The following DNAH17 variants were observed in gnomAD, a reference collection of about 807,000 sequenced individuals.
DNAH17 encodes the protein dynein axonemal heavy chain 17.
Under a neutral mutation model 485.6 loss-of-function variants are expected in DNAH17, and 376 were observed. That is an observed-to-expected ratio of 0.77 (90% CI 0.71 to 0.84). The LOEUF (loss-of-function observed/expected upper bound fraction) is 0.84. Among genes scored for constraint, DNAH17 ranks in the 40% least tolerant of loss-of-function variants. The pLI is 0.00. For missense variants in DNAH17, 6,370 were observed against 5,839.3 expected, an observed-to-expected ratio of 1.09 and a Z score of -2.96; for synonymous variants, 3,031 against 2,405.9, an observed-to-expected ratio of 1.26 and a Z score of -7.60.
At chr17:78,503,436 C>T (rs1235152453) in intron 31 of DNAH17, among the ~76,000 whole-genome samples, 7 of 151,346 alleles carry the variant, frequency 4.6e-5, no homozygotes, top group South Asian at 2.1e-4. Context: ...CCGCCCACCT[C>T]GGCCTCCTAA....
chr17:78,532,862 CCTG>C (rs761726029), intron 19 of DNAH17, 126 bp from the exon 20 acceptor site: 92 of 1,163,794 alleles, frequency 7.9e-5, no homozygotes, highest in Non-Finnish European at 1.0e-4. Flanking sequence ...CTCATGATGA[CCTG>C]CTCTTTTTCC....
rs867062708 is a variant in DNAH17 at position 78,526,911 on chromosome 17, C to G, written c.3593G>C (p.Ser1198Thr). The G allele has an allele frequency of 6.3e-7, 1 of 1,581,820 alleles. No individual in the cohort carries two copies. The highest frequency in any genetic ancestry group is 1.3e-5 in the African/African-American group (1 of 74,286). The change falls in exon 23 of 81, where the codon AGC becomes ACC. Residue 1198 changes from serine to threonine, a missense_variant. Coordinates refer to ENST00000389840, the MANE Select transcript of DNAH17 (RefSeq NM_173628.4). ...TTGCTGGCATTTCCGCCGCAGGATG[C>G]TGACCTCGTTGGCCTGGAGTGGTGC... ...TVAPLQANEVSILRRKCQQFE... is the reference protein window; with the variant it reads ...TVAPLQANEVTILRRKCQQFE...
chr17:78,435,267 A>G (rs1488410642), intron 74 of DNAH17, among the ~76,000 whole-genome samples: 2 of 152,114 alleles, frequency 1.3e-5, no homozygotes, highest in East Asian at 1.9e-4. Context: ...GTCACCGTCC[A>G]TCCATCCTCC....
intron 63 of DNAH17, among the ~76,000 whole-genome samples, chr17:78,455,378 T>C (rs990749958): frequency 1.4e-4 from 22 of 151,872 alleles, no homozygotes; most frequent in African/African-American, 5.3e-4. Flanking sequence ...CAGGTTGGAA[T>C]GCAGTAGTGT....
chr17:78,472,461 T>G (rs2088806317), intron 54 of DNAH17, among the ~76,000 whole-genome samples: 1 of 152,104 alleles, frequency 6.6e-6, no homozygotes, highest in South Asian at 2.1e-4. Flanking sequence ...TCCCTCTCAT[T>G]TGCAGGAAGC....
chr17:78,562,715 TAAATG>T (rs905235053), intron 11 of DNAH17, among the ~76,000 whole-genome samples: 1 of 152,226 alleles, frequency 6.6e-6, no homozygotes, highest in African/African-American at 2.4e-5. Flanking sequence ...CTGATACAGA[TAAATG>T]AAGAAATATT....
rs1323586759 is a variant in DNAH17, at chr17:78,475,375, C to T, written c.8414G>A (p.Ser2805Asn). Residue 2805 changes from serine to asparagine, a missense_variant, in exon 54 of 81, where the codon AGT (serine) becomes AAT (asparagine). Coordinates refer to ENST00000389840, the MANE Select transcript of DNAH17 (RefSeq NM_173628.4). ...CAGGCGGGAGAGGCTCTGTTTGCCA[C>T]TGCCGCCCACCCCCACCAGCAGGGC... ...GNALLVGVGG[S>N]GKQSLSRLAA... 1 of 1,613,910 alleles carries T rather than the reference C, an allele frequency of 6.2e-7. No homozygotes were observed. The highest frequency in any genetic ancestry group is 1.3e-5 in the African/African-American group (1 of 74,944).
intron 68 of DNAH17, 123 bp from the exon 69 acceptor site, chr17:78,449,707 T>G (rs2087465561): frequency 9.8e-7 from 1 of 1,022,190 alleles, no homozygotes; most frequent in Non-Finnish European, 1.4e-6. Context: ...AGACAGAGTC[T>G]TGCTCTGTCG....
chr17:78,483,876 C>T (rs2089461975), intron 48 of DNAH17, among the ~76,000 whole-genome samples: 1 of 152,046 alleles, frequency 6.6e-6, no homozygotes, highest in African/African-American at 2.4e-5. Flanking sequence ...GCGGGCGGAT[C>T]ACCTGAGGTC....
chr17:78,464,519 C>T (rs143414753), intron 56 of DNAH17, among the ~76,000 whole-genome samples: 1 of 152,212 alleles, frequency 6.6e-6, no homozygotes, highest in Non-Finnish European at 1.5e-5. Context: ...CTTTGGCCCC[C>T]CAAAGTGCTG....
At position 78,466,910 on chromosome 17, in the gene DNAH17, C is replaced by T. The variant is rs187489708; in HGVS notation, c.8779-94G>A. On this transcript the variant is annotated intron_variant, in intron 55 of 80. Coordinates refer to ENST00000389840, the MANE Select transcript of DNAH17 (RefSeq NM_173628.4). ...CAGAAAGCTCTGCCAGAAAGCAACGCGCCCTGCCGGGCTCAGCCGCCCAGG... is the reference window on the plus strand; with the variant it reads ...CAGAAAGCTCTGCCAGAAAGCAACGTGCCCTGCCGGGCTCAGCCGCCCAGG... 1.7e-3 allele frequency: 2,349 copies of T among 1,372,650 alleles called. 5 individuals are homozygous for T. Among genetic ancestry groups the T allele is most frequent in the Non-Finnish European group, 2.0e-3 (2,034 of 1,041,714 alleles). The allele number at this position is 1,372,650 out of a possible 1,614,324, so 85.0% of individuals were successfully genotyped here.
At chr17:78,542,182 T>C (rs920757510) in intron 17 of DNAH17, among the ~76,000 whole-genome samples, 15 of 151,274 alleles carry the variant, frequency 9.9e-5, no homozygotes, top group Non-Finnish European at 1.9e-4. Flanking sequence ...AGTCTCACTC[T>C]TGTCGCCCAG....
intron 74 of DNAH17, 63 bp from the exon 75 acceptor site, chr17:78,434,283 T>C: frequency 6.6e-7 from 1 of 1,504,802 alleles, no homozygotes. Context: ...GAAATGCCCC[T>C]GAGGGTGACC....
At chr17:78,478,221 C>CCAT (rs2089167135) in intron 51 of DNAH17, among the ~76,000 whole-genome samples, 1 of 68,304 alleles carries the variant, frequency 1.5e-5, no homozygotes. Flanking sequence ...ACCATCATCA[C>CCAT]CACATCACCA....
intron 18 of DNAH17, 48 bp downstream of exon 18, chr17:78,539,689 G>T: frequency 6.9e-7 from 1 of 1,440,608 alleles, no homozygotes; most frequent in Non-Finnish European, 9.3e-7. Context: ...GATTCTAACA[G>T]ATAAGAATAC....
chr17:78,429,603 G>T (rs988318807), intron 75 of DNAH17, among the ~76,000 whole-genome samples: 1 of 152,296 alleles, frequency 6.6e-6, no homozygotes, highest in South Asian at 2.1e-4. Flanking sequence ...TGCACCTCCC[G>T]TGGGGCAGGT....
chr17:78,529,481 C>T lies in DNAH17; in HGVS notation c.3498G>A (p.Leu1166=), dbSNP rs1248741609. Residue 1166 remains leucine, a synonymous_variant, in exon 22 of 81, where the codon TTG becomes TTA. Coordinates refer to ENST00000389840, the MANE Select transcript of DNAH17 (RefSeq NM_173628.4). ...CCCACCCACCACGTACCTGCAGCTT[C>T]AAGTGGATCTCCTCTGGCATCTCCT... The part of the protein sequence containing the change: ...YGEEMPEEIH[L]KLQELPEHWA... 1.2e-6 allele frequency: 2 copies of T among 1,613,938 alleles called. No homozygotes were observed. The highest frequency in any genetic ancestry group is 3.3e-5 in the Admixed American group (2 of 60,014).
chr17:78,575,403 C>T (rs752484295), intron 1 of DNAH17, among the ~76,000 whole-genome samples: 11 of 152,064 alleles, frequency 7.2e-5, no homozygotes, highest in South Asian at 6.2e-4. Flanking sequence ...AGGAAATGGC[C>T]GCAACCAGAC....
intron 4 of DNAH17, 72 bp downstream of exon 4, chr17:78,571,518 G>A: frequency 1.3e-6 from 2 of 1,568,908 alleles, no homozygotes; most frequent in African/African-American, 1.3e-5. Flanking sequence ...GTTGGCACTG[G>A]GAGGCGGAGA....
Sources: allele counts gnomAD v4.1 joint callset (sites outside exome capture counted in the v4.1 genomes callset), GRCh38; gene constraint gnomAD v4.1.1; transcripts MANE v1.5; gene names NCBI Gene and HGNC (gene_info 2026-07-23, HGNC 2026-07-21).